The following SMAD5 variants were observed in gnomAD, a reference collection of about 807,000 sequenced individuals.
SMAD5 encodes MAD, mothers against decapentaplegic homolog 5.
In SMAD5, 9 loss-of-function variants were observed where a neutral mutation model predicts 43.1. The observed-to-expected ratio is 0.21, with a 90% CI of 0.13 to 0.36. SMAD5 has a LOEUF of 0.36. SMAD5 is among the 10% of genes least tolerant of loss of function. The pLI, the probability that SMAD5 is intolerant of heterozygous loss-of-function variation, is 1.00. For missense variants in SMAD5, 348 were observed against 574.0 expected (o/e 0.61, Z 4.02); for synonymous variants, 190 against 192.4 (o/e 0.99, Z 0.10).
chr5:136,142,767 C>T (rs949038346), intron 1 of SMAD5, among the ~76,000 whole-genome samples: 7 of 152,042 alleles, frequency 4.6e-5, no homozygotes, highest in Admixed American at 4.6e-4. Flanking sequence ...TTTTTAAACT[C>T]AATTTTAATG....
At chr5:136,170,467 G>A (rs560731500) in intron 5 of SMAD5, among the ~76,000 whole-genome samples, 2 of 151,990 alleles carry the variant, frequency 1.3e-5, no homozygotes, top group South Asian at 4.2e-4. Context: ...ATTTTATCAT[G>A]ATCTTGATTA....
chr5:136,154,974 G>A (rs1163598226), intron 3 of SMAD5, among the ~76,000 whole-genome samples: 1 of 152,062 alleles, frequency 6.6e-6, no homozygotes, highest in South Asian at 2.1e-4. Flanking sequence ...GTATTCTCCT[G>A]TTTTCACAGG....
At chr5:136,158,783 C>T (rs989589817) in intron 3 of SMAD5, among the ~76,000 whole-genome samples, 10 of 152,224 alleles carry the variant, frequency 6.6e-5, no homozygotes, top group Admixed American at 2.6e-4. Flanking sequence ...CCTGTAGTCT[C>T]AGCTACTCGG....
At chr5:136,141,883 A>G (rs867340631) in intron 1 of SMAD5, among the ~76,000 whole-genome samples, 3 of 152,310 alleles carry the variant, frequency 2.0e-5, no homozygotes, top group Middle Eastern at 3.4e-3. Context: ...ATGACTCATG[A>G]TAATGTAAAT....
At chr5:136,167,229 T>G (rs957117479) in intron 5 of SMAD5, among the ~76,000 whole-genome samples, 1 of 152,130 alleles carries the variant, frequency 6.6e-6, no homozygotes, top group Non-Finnish European at 1.5e-5. Flanking sequence ...GATGTTACTC[T>G]TATAACTTCA....
chr5:136,160,011 T>G (rs528032157), intron 3 of SMAD5, among the ~76,000 whole-genome samples: 2 of 152,338 alleles, frequency 1.3e-5, no homozygotes, highest in Admixed American at 1.3e-4. Context: ...GAATCAGGTT[T>G]GTTTCAGTTT....
In SMAD5 at chr5:136,172,575, A is replaced by G; in HGVS notation, c.917A>G (p.Lys306Arg). 6.2e-7 allele frequency: 1 copy of G among 1,613,404 alleles called. No homozygotes were observed. The stretch of plus-strand genomic sequence containing the variant: ...GGATTCACAGATCCTTCAAATAACA[A>G]AAGTAGATTCTGCTTGGGTTTGTTG... ...VDGFTDPSNNKSRFCLGLLSN... is the reference protein window; with the variant it reads ...VDGFTDPSNNRSRFCLGLLSN... The change falls in exon 6 of 8, where the codon AAA becomes AGA. Residue 306 changes from lysine to arginine, a missense_variant. Physicochemically the swap from Lys to Arg is conservative, Grantham distance 26. Coordinates refer to ENST00000545279, the MANE Select transcript of SMAD5 (RefSeq NM_005903.7).
intron 1 of SMAD5, among the ~76,000 whole-genome samples, chr5:136,138,162 G>C (rs1378288412): frequency 6.6e-6 from 1 of 152,178 alleles, no homozygotes; most frequent in African/African-American, 2.4e-5. Context: ...AGAGGAGCAG[G>C]TGAAGCTTAA....
intron 3 of SMAD5, 87 bp downstream of exon 3, chr5:136,154,250 A>G: frequency 1.2e-6 from 1 of 825,292 alleles, no homozygotes; most frequent in Non-Finnish European, 1.8e-6. Flanking sequence ...TTAGTAATGA[A>G]AAGGTTGTAT....
intron 2 of SMAD5, 133 bp from the exon 3 acceptor site, chr5:136,153,459 T>G: frequency 4.7e-6 from 1 of 213,384 alleles, no homozygotes; most frequent in Non-Finnish European, 9.3e-6. Flanking sequence ...TGGAGAAAAT[T>G]TATCAATTTT....
chr5:136,172,613 C>T lies in SMAD5; in HGVS notation c.955C>T (p.Arg319Cys), dbSNP rs757899882. Residue 319 changes from arginine (R) to cysteine (C), a missense_variant, in exon 6 of 8, where the codon CGT becomes TGT. By Grantham distance (180) the Arg-to-Cys change is radical. Around this residue, in one of 5 missense-constraint regions of SMAD5, gnomAD observed 97 missense variants for 211.8 expected, o/e 0.46. Coordinates refer to ENST00000545279, the MANE Select transcript of SMAD5 (RefSeq NM_005903.7). ...CTTGGGTTTGTTGTCAAATGTTAAT[C>T]GTAATTCGACAATTGAAAACACTAG... The part of the protein sequence containing the change: ...FCLGLLSNVN[R>C]NSTIENTRRH... 1 of 1,612,506 alleles carries T rather than the reference C, an allele frequency of 6.2e-7. No homozygotes were observed. The highest frequency in any genetic ancestry group is 1.3e-5 in the African/African-American group (1 of 74,982).
intron 2 of SMAD5, among the ~76,000 whole-genome samples, chr5:136,150,580 A>G (rs1753422200): frequency 1.3e-5 from 2 of 151,966 alleles, no homozygotes; most frequent in Admixed American, 1.3e-4. Context: ...TGGGTGGTAA[A>G]GGAAGTCTTC....
intron 3 of SMAD5, among the ~76,000 whole-genome samples, chr5:136,155,904 A>G (rs144183219): frequency 4.5e-4 from 68 of 152,302 alleles, no homozygotes; most frequent in Non-Finnish European, 7.8e-4. Flanking sequence ...AATGAATGGT[A>G]TAAGCTGAGC....
At chr5:136,156,073 G>C (rs1488869189) in intron 3 of SMAD5, among the ~76,000 whole-genome samples, 2 of 152,156 alleles carry the variant, frequency 1.3e-5, no homozygotes, top group Non-Finnish European at 2.9e-5. Flanking sequence ...CAAGGTGTTG[G>C]TTAGGGCCAA....
At chr5:136,151,326 C>T (rs547062395) in intron 2 of SMAD5, among the ~76,000 whole-genome samples, 1 of 152,012 alleles carries the variant, frequency 6.6e-6, no homozygotes, top group East Asian at 1.9e-4. Flanking sequence ...TGAGAATGGG[C>T]TGTCATGCTA....
At chr5:136,157,759 C>T (rs112835132) in intron 3 of SMAD5, among the ~76,000 whole-genome samples, 2,014 of 152,240 alleles carry the variant, frequency 0.013, 43 homozygotes, top group African/African-American at 0.046. Context: ...GATGAAGCTT[C>T]GCTCACTCTC....
chr5:136,170,145 A>T (rs905964079), intron 5 of SMAD5, among the ~76,000 whole-genome samples: 3 of 152,038 alleles, frequency 2.0e-5, no homozygotes, highest in African/African-American at 7.2e-5. Context: ...AATTGTACCT[A>T]AAAAAAGGCA....
intron 5 of SMAD5, among the ~76,000 whole-genome samples, chr5:136,166,345 T>A (rs1386585059): frequency 6.6e-6 from 1 of 152,174 alleles, no homozygotes; most frequent in Non-Finnish European, 1.5e-5. Flanking sequence ...TTTCTATGTT[T>A]GTGATAATAC....
intron 1 of SMAD5, among the ~76,000 whole-genome samples, chr5:136,138,807 G>A (rs1315673767): frequency 1.3e-5 from 2 of 152,096 alleles, no homozygotes; most frequent in Non-Finnish European, 2.9e-5. Flanking sequence ...TTAAAAATGT[G>A]GGCAGTAAGG....
Sources: gnomAD v4.1 joint callset for allele counts (sites outside exome capture counted in the v4.1 genomes callset) on GRCh38, gnomAD v4.1.1 for gene constraint, gnomAD v4.1.1 regional missense constraint, MANE v1.5 for transcripts, NCBI Gene and HGNC (gene_info 2026-07-23, HGNC 2026-07-21) for gene names.